The following CSMD3 variants were observed in gnomAD, a reference collection of about 807,000 sequenced individuals.
The protein encoded by CSMD3 is CUB and sushi domain-containing protein 3.
Under a neutral mutation model 435.2 loss-of-function variants are expected in CSMD3, and 177 were observed. The observed-to-expected ratio is 0.41, with a 90% CI of 0.36 to 0.46. The LOEUF (loss-of-function observed/expected upper bound fraction) is 0.46. Ranked by LOEUF, CSMD3 falls within the 20% of genes least tolerant of loss-of-function variation. The pLI is 0.34. For synonymous variants in CSMD3, 1,656 were observed against 1,520.5 expected (o/e 1.09, Z -2.07); for missense variants, 4,265 against 4,504.6 (o/e 0.95, Z 1.52).
chr8:112,425,607 GC>G (rs1490222651), intron 32 of CSMD3, among the ~76,000 whole-genome samples: 1 of 152,134 alleles, frequency 6.6e-6, no homozygotes, highest in Non-Finnish European at 1.5e-5. Flanking sequence ...CATATCCAGT[GC>G]CTCTTGAATT....
chr8:113,425,437 A>C (rs1328022604), intron 1 of CSMD3, among the ~76,000 whole-genome samples: 1 of 151,432 alleles, frequency 6.6e-6, no homozygotes, highest in Admixed American at 6.6e-5. Context: ...TAAAATAGGA[A>C]ATTTTTAATA....
intron 13 of CSMD3, among the ~76,000 whole-genome samples, chr8:112,791,051 G>A (rs2078675729): frequency 6.6e-6 from 1 of 152,122 alleles, no homozygotes; most frequent in Non-Finnish European, 1.5e-5. Flanking sequence ...GGCCAGGCAC[G>A]GTGGCTCACG....
intron 6 of CSMD3, among the ~76,000 whole-genome samples, chr8:112,990,962 A>G (rs2085435373): frequency 6.6e-6 from 1 of 151,834 alleles, no homozygotes; most frequent in Non-Finnish European, 1.5e-5. Flanking sequence ...CTGAAATTAA[A>G]AAGTAAAATT....
intron 4 of CSMD3, among the ~76,000 whole-genome samples, chr8:113,141,577 A>T (rs28790705): frequency 0.02 from 2,999 of 151,114 alleles, 105 homozygotes; most frequent in African/African-American, 0.067. Flanking sequence ...AAATGATAAA[A>T]ATTTTATACC....
chr8:112,993,982 C>A (rs145675659), intron 6 of CSMD3, among the ~76,000 whole-genome samples: 171 of 151,840 alleles, frequency 1.1e-3, no homozygotes, highest in African/African-American at 4.0e-3. Context: ...TCAAGCTTGA[C>A]AGCTTGTACT....
intron 6 of CSMD3, among the ~76,000 whole-genome samples, chr8:112,998,972 C>CT (rs1175713662): frequency 3.9e-5 from 6 of 152,054 alleles, no homozygotes; most frequent in Admixed American, 6.6e-5. Flanking sequence ...CCAATTAAAA[C>CT]TTTTTTCTTT....
At chr8:112,270,257 T>C (rs900890876) in intron 59 of CSMD3, among the ~76,000 whole-genome samples, 1 of 151,998 alleles carries the variant, frequency 6.6e-6, no homozygotes, top group Admixed American at 6.6e-5. Flanking sequence ...AAGATGTTTC[T>C]AAAATCATTG....
chr8:113,199,340 C>T (rs910644943), intron 3 of CSMD3, among the ~76,000 whole-genome samples: 3 of 151,532 alleles, frequency 2.0e-5, no homozygotes, highest in South Asian at 2.1e-4. Context: ...GGTTAACAGA[C>T]AAAACATTGA....
At chr8:113,153,134 G>GAAA (rs1564370995) in intron 4 of CSMD3, among the ~76,000 whole-genome samples, 2 of 94,076 alleles carry the variant, frequency 2.1e-5, no homozygotes, top group African/African-American at 1.3e-4. Context: ...AGAGAAAGAA[G>GAAA]GAAGGAAGGA....
At chr8:113,360,425 T>C (rs1354318146) in intron 1 of CSMD3, among the ~76,000 whole-genome samples, 4 of 152,186 alleles carry the variant, frequency 2.6e-5, no homozygotes, top group Non-Finnish European at 4.4e-5. Context: ...TACATTGATT[T>C]ATTTTGTTTA....
intron 31 of CSMD3, among the ~76,000 whole-genome samples, chr8:112,488,688 C>T (rs765134630): frequency 4.6e-5 from 7 of 152,020 alleles, no homozygotes; most frequent in East Asian, 1.9e-4. Context: ...GAAATAGAGG[C>T]GTACACATAT....
chr8:113,032,411 T>A (rs1462612619), intron 5 of CSMD3, among the ~76,000 whole-genome samples: 1 of 151,650 alleles, frequency 6.6e-6, no homozygotes, highest in Non-Finnish European at 1.5e-5. Context: ...TTACTCTTGC[T>A]ATGCTTAGCA....
rs186492964 is a variant in CSMD3, at chr8:112,899,233, A to G, written c.1633+22394T>C. 1.8e-4 allele frequency among the ~76,000 whole-genome samples: 27 copies of G among 151,124 alleles called. 1 individual carries two copies. The highest frequency in any genetic ancestry group is 6.2e-4 in the South Asian group (3 of 4,812). On this transcript the variant is annotated intron_variant, in intron 10 of 70. Transcript: ENST00000297405. ...ACTAATCTTACAATTGTCCCAGACT[A>G]TGCAGAAACTAATAGAATTTTTGAT...
chr8:113,163,061 A>G (rs1286559349), intron 4 of CSMD3, among the ~76,000 whole-genome samples: 1 of 152,170 alleles, frequency 6.6e-6, no homozygotes, highest in East Asian at 1.9e-4. Context: ...CCTCTTCTCC[A>G]TCATCATTCA....
intron 59 of CSMD3, among the ~76,000 whole-genome samples, chr8:112,271,773 A>G (rs1011001691): frequency 1.3e-5 from 2 of 152,234 alleles, no homozygotes; most frequent in South Asian, 4.1e-4. Context: ...AACAGATACT[A>G]TTATTTATGA....
In CSMD3 at chr8:113,265,178, T is replaced by C. The variant is rs138231070; in HGVS notation, c.514+13414A>G. 1.7e-4 allele frequency among the ~76,000 whole-genome samples: 26 copies of C among 151,626 alleles called. No individual in the cohort carries two copies. In the East Asian group the frequency reaches 4.3e-3, roughly 25 times the overall value. On this transcript the variant is annotated intron_variant, in intron 3 of 70. Transcript: ENST00000297405. ...GACAAGGTATGGACACATCTGAGCA[T>C]AGAGAGAAAGAGCATTCAAAAATCT... is the stretch of plus-strand genomic sequence containing the variant.
chr8:113,249,889 T>G (rs1255096008), intron 3 of CSMD3, among the ~76,000 whole-genome samples: 1 of 151,894 alleles, frequency 6.6e-6, no homozygotes, highest in East Asian at 1.9e-4. Context: ...GATGGACTGA[T>G]GACCAACTGG....
intron 12 of CSMD3, among the ~76,000 whole-genome samples, chr8:112,803,363 C>T (rs370828428): frequency 1.9e-4 from 29 of 152,276 alleles, no homozygotes; most frequent in African/African-American, 7.0e-4. Flanking sequence ...CAACTTCTTT[C>T]GCTGATAATG....
chr8:112,678,559 G>C (rs905957261), intron 16 of CSMD3, among the ~76,000 whole-genome samples: 6 of 152,114 alleles, frequency 3.9e-5, no homozygotes, highest in Non-Finnish European at 8.8e-5. Context: ...AGAAAGCCAA[G>C]TAATGATGCT....
Sources: allele counts gnomAD v4.1 joint callset (sites outside exome capture counted in the v4.1 genomes callset), GRCh38; gene constraint gnomAD v4.1.1; transcripts MANE v1.5; gene names NCBI Gene and HGNC (gene_info 2026-07-23, HGNC 2026-07-21).